METTL21C: variants seen among roughly 807,000 people sequenced by gnomAD.
The protein encoded by METTL21C is protein-lysine methyltransferase METTL21C.
Under a neutral mutation model 25.9 loss-of-function variants are expected in METTL21C, and 21 were observed. The ratio of observed to expected loss-of-function variants is 0.81; its 90% CI spans 0.58 to 1.17. METTL21C has a LOEUF of 1.17. METTL21C is among the 50% of genes most tolerant of loss of function. The pLI, the probability that METTL21C is intolerant of heterozygous loss-of-function variation, is 0.00. For synonymous variants in METTL21C, 125 were observed against 124.7 expected, an observed-to-expected ratio of 1.00 and a Z score of -0.01; for missense variants, 312 against 315.1, an observed-to-expected ratio of 0.99 and a Z score of 0.07.
intron 1 of METTL21C, among the ~76,000 whole-genome samples, chr13:102,693,819 C>T (rs1341089127): frequency 2.0e-5 from 3 of 152,160 alleles, no homozygotes; most frequent in South Asian, 2.1e-4. Flanking sequence ...ACAACATTCT[C>T]ATTTATTGGA....
At chr13:102,691,910 A>G (rs7985022) in intron 1 of METTL21C, among the ~76,000 whole-genome samples, 55,849 of 152,080 alleles carry the variant, frequency 0.37, 12,489 homozygotes, top group African/African-American at 0.63. Context: ...TGACATCAAG[A>G]GATCACAAGT....
At position 102,690,877 on chromosome 13, in the gene METTL21C, A is replaced by C; in HGVS notation, c.218T>G (p.Phe73Cys). 1 of 1,614,202 alleles carries C rather than the reference A, an allele frequency of 6.2e-7. No individual in the cohort carries two copies. Among genetic ancestry groups the C allele is most frequent in the Non-Finnish European group, 8.5e-7 (1 of 1,180,038 alleles). The change falls in exon 2 of 4, where the codon TTT becomes TGT. Residue 73 changes from phenylalanine (F) to cysteine (C), a missense_variant. Phe to Cys is a radical substitution (Grantham distance 205). Coordinates refer to ENST00000267273, the MANE Select transcript of METTL21C (RefSeq NM_001010977.3). ...CTGGATGACAATCTCCTTTCCTGCA[A>C]ACCGATAATGCTCCTGAGTGTAGCT... ...YASYTQEHYR[F>C]AGKEIVIQES...
intron 2 of METTL21C, among the ~76,000 whole-genome samples, chr13:102,688,928 T>G (rs1257503275): frequency 2.0e-5 from 3 of 152,206 alleles, no homozygotes; most frequent in African/African-American, 7.2e-5. Flanking sequence ...GAGTTGCACC[T>G]GAAGTCGCAC....
At chr13:102,696,238 A>G (rs890310847), upstream of METTL21C, among the ~76,000 whole-genome samples, 1 of 152,188 alleles carries the variant, frequency 6.6e-6, no homozygotes, top group Non-Finnish European at 1.5e-5. Flanking sequence ...GCTGGAAACC[A>G]TCATTCTCAG....
At chr13:102,696,836 T>C (rs1885954423), upstream of METTL21C, among the ~76,000 whole-genome samples, 1 of 152,142 alleles carries the variant, frequency 6.6e-6, no homozygotes, top group Admixed American at 6.5e-5. Context: ...GGTGTTGTAA[T>C]TGCTGAATTT....
At chr13:102,691,057 A>C in intron 1 of METTL21C, 93 bp from the exon 2 acceptor site, 1 of 1,392,782 alleles carries the variant, frequency 7.2e-7, no homozygotes, top group Non-Finnish European at 9.9e-7. Context: ...CATTAGATTG[A>C]ATGACCTTTA....
chr13:102,689,941 A>G (rs1260513610), intron 2 of METTL21C, among the ~76,000 whole-genome samples: 1 of 152,242 alleles, frequency 6.6e-6, no homozygotes, highest in African/African-American at 2.4e-5. Flanking sequence ...TATGGAAATG[A>G]AGGCAAACGG....
chr13:102,700,809 G>A, the METTL21C span, among the ~76,000 whole-genome samples: 3 of 152,080 alleles, frequency 2.0e-5, no homozygotes, highest in Admixed American at 2.0e-4. Context: ...CTGTTTTACT[G>A]TGAGGCCTGG....
chr13:102,694,448 T>C lies in METTL21C; in HGVS notation c.51A>G (p.Gly17=), dbSNP rs775381558. ...CTAACCAGCCACCCGGGGAGCTGAG[T>C]CCTTCCCCCCGGCGCCCAGGCTGCT... is the stretch of plus-strand genomic sequence containing the variant. ...SAQQPGRRGE[G]LSSPGGWLEA... Residue 17 remains glycine, a synonymous_variant, in exon 1 of 4, where the codon GGA becomes GGG. Transcript: ENST00000267273. 3 of 1,609,300 alleles carry C rather than the reference T, an allele frequency of 1.9e-6. No homozygotes were observed. The highest frequency in any genetic ancestry group is 2.5e-6 in the Non-Finnish European group (3 of 1,178,148).
chr13:102,685,845 A>C lies in METTL21C; in HGVS notation c.*186T>G, dbSNP rs1239258630. 1.1e-5 allele frequency: 6 copies of C among 555,568 alleles called. No individual in the cohort carries two copies. Among genetic ancestry groups the C allele is most frequent in the Non-Finnish European group, 1.8e-5 (6 of 334,548 alleles). The allele number at this position is 555,568 out of a possible 1,614,324, so 34.4% of individuals were successfully genotyped here. A position where few individuals can be genotyped will look rare whatever the true frequency, so the allele number is the denominator to read the frequency against. The stretch of plus-strand genomic sequence containing the variant: ...GTTGTTCTTTTTAGATATTTAGATT[A>C]ACCAGATAATCTTAAATTATCTTAG... On this transcript the variant is annotated 3_prime_UTR_variant, in exon 4 of 4. Coordinates refer to ENST00000267273, the MANE Select transcript of METTL21C (RefSeq NM_001010977.3).
In METTL21C at chr13:102,686,165, A is replaced by G; in HGVS notation, c.661T>C (p.Trp221Arg). Residue 221 changes from tryptophan to arginine, a missense_variant, in exon 4 of 4, where the codon TGG (tryptophan) becomes CGG (arginine). By Grantham distance (101) the Trp-to-Arg change is moderately radical (BLOSUM62 -3). Transcript: ENST00000267273. Reference sequence around the variant, plus strand: ...GTGCTGAACCTGAATTTGTTTGCCCAAAGCAGCACCGTCCCTGGCTGGGAA... The same window carrying G: ...GTGCTGAACCTGAATTTGTTTGCCCGAAGCAGCACCGTCCCTGGCTGGGAA... ...YLSQPGTVLLWANKFRFSTDY... is the reference protein window; with the variant it reads ...YLSQPGTVLLRANKFRFSTDY... The G allele has an allele frequency of 1.9e-6, 3 of 1,614,202 alleles. No individual in the cohort carries two copies. Among genetic ancestry groups the G allele is most frequent in the Non-Finnish European group, 1.7e-6 (2 of 1,180,032 alleles).
intron 2 of METTL21C, among the ~76,000 whole-genome samples, chr13:102,687,657 A>G (rs1476603688): frequency 6.6e-6 from 1 of 152,222 alleles, no homozygotes; most frequent in Non-Finnish European, 1.5e-5. Flanking sequence ...TTCCCTGGAT[A>G]GCTTGTTAAA....
chr13:102,702,655 T>C, the METTL21C span, among the ~76,000 whole-genome samples: 1 of 151,934 alleles, frequency 6.6e-6, no homozygotes, highest in Non-Finnish European at 1.5e-5. Flanking sequence ...TGGCGCAATC[T>C]CCACTCACTG....
At chr13:102,688,841 C>A (rs1468623762) in intron 2 of METTL21C, among the ~76,000 whole-genome samples, 2 of 141,568 alleles carry the variant, frequency 1.4e-5, no homozygotes, top group African/African-American at 5.2e-5. Flanking sequence ...TCAGGGACAG[C>A]TGTGTCTTTT....
rs1885916960 is a variant in METTL21C, at chr13:102,694,873, T to TC, written c.-376_-375insG. 4.4e-4 allele frequency among the ~76,000 whole-genome samples: 57 copies of TC among 128,288 alleles called. No individual in the cohort carries two copies. The highest frequency in any genetic ancestry group is 1.2e-3 in the African/African-American group (40 of 33,766). The allele number at this position is 128,288 out of a possible 152,430, so 84.2% of individuals were successfully genotyped here. ...ATTACTTTGCTAGAATTCTCTCTCTTTCTCTCTCTCTCTCTCTCTCTCTCT... is the reference window on the plus strand; with the variant it reads ...ATTACTTTGCTAGAATTCTCTCTCTTCTCTCTCTCTCTCTCTCTCTCTCTCT... On this transcript the variant is annotated 5_prime_UTR_variant, in exon 1 of 4. Coordinates refer to ENST00000267273, the MANE Select transcript of METTL21C (RefSeq NM_001010977.3).
chr13:102,692,629 T>C (rs3858792), intron 1 of METTL21C, among the ~76,000 whole-genome samples: 123,627 of 152,188 alleles, frequency 0.81, 50,665 homozygotes, highest in African/African-American at 0.92. Context: ...GTGCCTTCAG[T>C]TCTTCAGAGT....
intron 2 of METTL21C, among the ~76,000 whole-genome samples, chr13:102,689,484 T>C (rs371387671): frequency 1.3e-5 from 2 of 152,332 alleles, no homozygotes; most frequent in African/African-American, 4.8e-5. Flanking sequence ...CATCGCCAGA[T>C]GACCTGAGGG....
chr13:102,698,334 C>A (rs936806960), upstream of METTL21C, among the ~76,000 whole-genome samples: 1 of 152,160 alleles, frequency 6.6e-6, no homozygotes, highest in Non-Finnish European at 1.5e-5. Flanking sequence ...CTAAAATGAG[C>A]TTGCAGCACA....
chr13:102,692,077 C>T (rs544191879), intron 1 of METTL21C, among the ~76,000 whole-genome samples: 3 of 152,108 alleles, frequency 2.0e-5, no homozygotes, highest in South Asian at 2.1e-4. Flanking sequence ...TTTGTTTGCA[C>T]GAAACCTGCC....
Sources: allele counts gnomAD v4.1 joint callset (sites outside exome capture counted in the v4.1 genomes callset), GRCh38; gene constraint gnomAD v4.1.1; transcripts MANE v1.5; gene names NCBI Gene and HGNC (gene_info 2026-07-23, HGNC 2026-07-21).